Variants in GRM7 observed in about 807,000 individuals in gnomAD.
GRM7 encodes metabotropic glutamate receptor 7.
In GRM7, 35 loss-of-function variants were observed where a neutral mutation model predicts 84.5. The observed-to-expected ratio is 0.41, with a 90% confidence interval of 0.32 to 0.55. The LOEUF (loss-of-function observed/expected upper bound fraction) is 0.55, where lower values mean the gene tolerates loss of function less well. Ranked by LOEUF, GRM7 falls within the 20% of genes least tolerant of loss-of-function variation. The pLI, the probability that GRM7 is intolerant of heterozygous loss-of-function variation, is 0.19. For synonymous variants in GRM7, 487 were observed against 455.1 expected (o/e 1.07, Z -0.89); for missense variants, 1,003 against 1,194.6 (o/e 0.84, Z 2.36).
intron 5 of GRM7, among the ~76,000 whole-genome samples, chr3:7,418,760 C>A (rs964882662): frequency 1.6e-4 from 24 of 152,214 alleles, no homozygotes; most frequent in Admixed American, 1.4e-3. Flanking sequence ...GAGATTGAGG[C>A]CATCTTGGGG....
intron 4 of GRM7, among the ~76,000 whole-genome samples, chr3:7,409,856 T>G (rs1037898849): frequency 6.6e-6 from 1 of 152,194 alleles, no homozygotes; most frequent in Non-Finnish European, 1.5e-5. Context: ...CACCTCAGCC[T>G]CCCAAACTGC....
intron 7 of GRM7, among the ~76,000 whole-genome samples, chr3:7,570,431 G>A (rs182449464): frequency 7.9e-5 from 12 of 152,298 alleles, no homozygotes; most frequent in Admixed American, 6.5e-4. Context: ...TTCCACATGG[G>A]AGAAATTGGC....
intron 8 of GRM7, among the ~76,000 whole-genome samples, chr3:7,661,642 A>C (rs973944980): frequency 6.6e-6 from 1 of 151,776 alleles, no homozygotes; most frequent in African/African-American, 2.4e-5. Context: ...AAAATACAAA[A>C]AATTAGCCGG....
intron 8 of GRM7, among the ~76,000 whole-genome samples, chr3:7,645,149 T>C (rs1318214550): frequency 6.6e-6 from 1 of 152,122 alleles, no homozygotes; most frequent in Non-Finnish European, 1.5e-5. Flanking sequence ...AACTAAGACC[T>C]TGCCTCAGAA....
chr3:7,573,933 G>C (rs1460413351), intron 7 of GRM7, among the ~76,000 whole-genome samples: 1 of 152,148 alleles, frequency 6.6e-6, no homozygotes, highest in Non-Finnish European at 1.5e-5. Context: ...ATGCGTGACT[G>C]CAATTAGTAG....
chr3:7,550,792 C>G (rs573526633), intron 7 of GRM7, among the ~76,000 whole-genome samples: 1 of 152,088 alleles, frequency 6.6e-6, no homozygotes, highest in East Asian at 2.0e-4. Context: ...GCAAGACTAC[C>G]AGATCTGTAG....
intron 2 of GRM7, among the ~76,000 whole-genome samples, chr3:7,214,162 C>G (rs1696524730): frequency 6.7e-6 from 1 of 148,790 alleles, no homozygotes; most frequent in Non-Finnish European, 1.5e-5. Flanking sequence ...GGGATAAGAA[C>G]TCATAAATGA....
intron 1 of GRM7, among the ~76,000 whole-genome samples, chr3:7,032,349 T>C (rs966919572): frequency 2.6e-4 from 39 of 152,248 alleles, no homozygotes; most frequent in African/African-American, 7.7e-4. Flanking sequence ...GTGAGTAGTA[T>C]AGGTAGACAA....
intron 5 of GRM7, among the ~76,000 whole-genome samples, chr3:7,428,891 C>A (rs1165812357): frequency 6.6e-6 from 1 of 152,078 alleles, no homozygotes; most frequent in African/African-American, 2.4e-5. Flanking sequence ...GACTTCGTAT[C>A]CTATCGTTTG....
rs1255872717 is a variant in GRM7 at position 7,572,866 on chromosome 3, AT to A, written c.1516-5555del. ...TATATATATATATATATATATATATATATATATATATATAAATAATCTTTCT... is the reference window on the plus strand; with the variant it reads ...TATATATATATATATATATATATATAATATATATATATAAATAATCTTTCT... On this transcript the variant is annotated intron_variant, in intron 7 of 9. Coordinates refer to ENST00000357716, the MANE Select transcript of GRM7 (RefSeq NM_000844.4). Among the ~76,000 whole-genome samples, 6 of 74,332 alleles carry A rather than the reference AT, an allele frequency of 8.1e-5. 1 individual carries two copies. Among genetic ancestry groups the A allele is most frequent in the East Asian group, 9.2e-4 (2 of 2,184 alleles). 48.8% of individuals were successfully genotyped at this position (74,332 alleles called of 152,430 possible). A position where few individuals can be genotyped will look rare whatever the true frequency, so the allele number is the denominator to read the frequency against.
chr3:7,093,190 G>T (rs2125011148), intron 1 of GRM7, among the ~76,000 whole-genome samples: 1 of 152,070 alleles, frequency 6.6e-6, no homozygotes, highest in South Asian at 2.1e-4. Context: ...GAGACTTCAG[G>T]GAATTAAAAT....
chr3:7,363,059 A>T (rs965027585), intron 4 of GRM7, among the ~76,000 whole-genome samples: 4 of 152,068 alleles, frequency 2.6e-5, no homozygotes, highest in African/African-American at 9.7e-5. Flanking sequence ...ACATTTGAGG[A>T]TGCAGTGAGC....
chr3:7,395,010 C>T (rs1178956862), intron 4 of GRM7, among the ~76,000 whole-genome samples: 4 of 148,008 alleles, frequency 2.7e-5, no homozygotes, highest in Non-Finnish European at 5.9e-5. Context: ...TGCACTCCAG[C>T]CTGAGCAACA....
chr3:7,141,036 A>G lies in GRM7; in HGVS notation c.520-5416A>G, dbSNP rs140792598. Among the ~76,000 whole-genome samples, 568 of 152,210 alleles carry G rather than the reference A, an allele frequency of 3.7e-3. 3 individuals carry two copies. The highest frequency in any genetic ancestry group is 0.013 in the African/African-American group (551 of 41,548). On this transcript the variant is annotated intron_variant, in intron 1 of 9. Transcript: ENST00000357716. Reference sequence around the variant, plus strand: ...TTAATTTAACTATATATTTGTTTCAAGATAAGAAATTAGAATGATACTAGT... The same window carrying G: ...TTAATTTAACTATATATTTGTTTCAGGATAAGAAATTAGAATGATACTAGT...
chr3:6,916,037 A>G (rs566917171), intron 1 of GRM7, among the ~76,000 whole-genome samples: 1 of 152,326 alleles, frequency 6.6e-6, no homozygotes, highest in East Asian at 1.9e-4. Flanking sequence ...ACTTTCAACA[A>G]GGCACTATCT....
chr3:7,487,326 C>A (rs906344272), intron 7 of GRM7, among the ~76,000 whole-genome samples: 2 of 152,174 alleles, frequency 1.3e-5, no homozygotes, highest in Admixed American at 1.3e-4. Context: ...AGTAAAAACG[C>A]ATGTCCTGAA....
intron 7 of GRM7, among the ~76,000 whole-genome samples, chr3:7,562,789 A>T (rs1212631147): frequency 6.6e-6 from 1 of 152,160 alleles, no homozygotes; most frequent in African/African-American, 2.4e-5. Context: ...AGAGCAAAAC[A>T]TCTCAAAGTC....
chr3:7,508,064 A>AT (rs1435341153), intron 7 of GRM7, among the ~76,000 whole-genome samples: 1 of 152,150 alleles, frequency 6.6e-6, no homozygotes, highest in African/African-American at 2.4e-5. Flanking sequence ...CTAAAGTCAC[A>AT]TTTTCAATGT....
At chr3:7,637,826 G>C (rs1698170750) in intron 8 of GRM7, among the ~76,000 whole-genome samples, 1 of 152,174 alleles carries the variant, frequency 6.6e-6, no homozygotes, top group Non-Finnish European at 1.5e-5. Context: ...CTGGCAGGCT[G>C]TGTTTCTGAG....
Sources: gnomAD v4.1 joint callset for allele counts (sites outside exome capture counted in the v4.1 genomes callset) on GRCh38, gnomAD v4.1.1 for gene constraint, MANE v1.5 for transcripts, NCBI Gene and HGNC (gene_info 2026-07-23, HGNC 2026-07-21) for gene names.